Variants in USP34 observed in about 807,000 individuals in gnomAD.
USP34 encodes the protein ubiquitin carboxyl-terminal hydrolase 34.
Under a neutral mutation model 460.3 loss-of-function variants are expected in USP34, and 70 were observed. The ratio of observed to expected loss-of-function variants is 0.15; its 90% CI spans 0.13 to 0.19. The LOEUF (loss-of-function observed/expected upper bound fraction) is 0.19, where lower values mean the gene tolerates loss of function less well. Ranked by LOEUF, USP34 falls within the 10% of genes least tolerant of loss-of-function variation. The pLI is 1.00. For missense variants in USP34, 3,985 were observed against 4,236.2 expected (o/e 0.94, Z 1.65); for synonymous variants, 1,647 against 1,405.3 (o/e 1.17, Z -3.85).
chr2:61,450,025 C>G (rs1472511327), intron 1 of USP34, among the ~76,000 whole-genome samples: 1 of 151,800 alleles, frequency 6.6e-6, no homozygotes, highest in Non-Finnish European at 1.5e-5. Flanking sequence ...AAGTTCATGC[C>G]ACTGCACTCC....
intron 11 of USP34, 79 bp downstream of exon 11, chr2:61,350,489 A>G: frequency 9.0e-6 from 14 of 1,562,196 alleles, no homozygotes; most frequent in South Asian, 1.2e-5. Context: ...CAATAAAATG[A>G]AAGTTAAATT....
At chr2:61,441,118 A>G (rs1410498653) in intron 1 of USP34, among the ~76,000 whole-genome samples, 3 of 148,296 alleles carry the variant, frequency 2.0e-5, no homozygotes, top group Admixed American at 1.4e-4. Flanking sequence ...ACTGAGTGAG[A>G]GCCGCCTCAA....
At chr2:61,449,916 A>G (rs1695221549) in intron 1 of USP34, among the ~76,000 whole-genome samples, 1 of 151,998 alleles carries the variant, frequency 6.6e-6, no homozygotes, top group Admixed American at 6.6e-5. Flanking sequence ...AAATACAAAA[A>G]TAAGCTGGGC....
intron 1 of USP34, among the ~76,000 whole-genome samples, chr2:61,464,842 T>C (rs907580238): frequency 1.3e-5 from 2 of 151,750 alleles, no homozygotes; most frequent in Non-Finnish European, 2.9e-5. Context: ...GCCTAAAGCA[T>C]GTAATTTTAA....
intron 21 of USP34, among the ~76,000 whole-genome samples, chr2:61,320,913 G>A (rs757262444): frequency 1.3e-5 from 2 of 152,250 alleles, no homozygotes; most frequent in South Asian, 2.1e-4. Flanking sequence ...GGGAGGATAA[G>A]GCACGAGAAT....
chr2:61,298,911 T>C (rs918242031), intron 29 of USP34, among the ~76,000 whole-genome samples: 2 of 151,994 alleles, frequency 1.3e-5, no homozygotes, highest in African/African-American at 4.8e-5. Context: ...TTGAGGAAAA[T>C]CTGTAATGCT....
chr2:61,423,933 G>A (rs776517403), intron 1 of USP34, among the ~76,000 whole-genome samples: 4 of 152,138 alleles, frequency 2.6e-5, no homozygotes, highest in Non-Finnish European at 5.9e-5. Flanking sequence ...TCCAGCATGA[G>A]TAACAGGGCA....
At position 61,409,442 on chromosome 2, in the gene USP34, G is replaced by A. The variant is rs577684992; in HGVS notation, c.132-3314C>T. Reference sequence around the variant, plus strand: ...TAAAATAAGTGTTAGGGCCGGACACGGTGGCTCATGTCTGTAACCCCAGCA... The same window carrying A: ...TAAAATAAGTGTTAGGGCCGGACACAGTGGCTCATGTCTGTAACCCCAGCA... On this transcript the variant is annotated intron_variant, in intron 2 of 79. Transcript: ENST00000398571. 3.3e-5 allele frequency among the ~76,000 whole-genome samples: 5 copies of A among 152,182 alleles called. No homozygotes were observed. In the East Asian group the frequency reaches 5.8e-4, roughly 18 times the overall value.
chr2:61,363,892 T>C (rs141980657), intron 10 of USP34, among the ~76,000 whole-genome samples: 229 of 152,346 alleles, frequency 1.5e-3, no homozygotes, highest in Admixed American at 3.5e-3. Flanking sequence ...ATGTTTGCTA[T>C]GACATAGATT....
In USP34 at chr2:61,343,913, T is replaced by C. The variant is rs1177449694; in HGVS notation, c.2402A>G (p.Glu801Gly). The C allele has an allele frequency of 6.2e-7, 1 of 1,614,024 alleles. No individual in the cohort carries two copies. The highest frequency in any genetic ancestry group is 8.5e-7 in the Non-Finnish European group (1 of 1,179,934). The change falls in exon 16 of 80, where the codon GAG becomes GGG. Residue 801 changes from glutamate (E) to glycine (G), a missense_variant. By Grantham distance (98) the Glu-to-Gly change is moderately conservative. This residue lies in a region of USP34 where 716 missense variants were observed against 626.2 expected (regional missense o/e 1.14). Transcript: ENST00000398571. ...DFDGEESGCE[E>G]ELVQINSHAE... ...ATGTGAATTAATCTGAACTAGCTCC[T>C]CTTCACATCCAGATTCTTCACCATC...
chr2:61,380,001 T>C (rs191086356), intron 7 of USP34, among the ~76,000 whole-genome samples, 168 bp downstream of exon 7: 2 of 152,338 alleles, frequency 1.3e-5, no homozygotes, highest in Admixed American at 1.3e-4. Context: ...TTCAGACTTA[T>C]TTAAAATAAG....
chr2:61,446,047 G>C (rs919775006), intron 1 of USP34, among the ~76,000 whole-genome samples: 1 of 142,504 alleles, frequency 7.0e-6, no homozygotes, highest in African/African-American at 2.6e-5. Flanking sequence ...CAGGAAGGCA[G>C]AGATTACAGT....
In USP34 at chr2:61,187,787, G is replaced by A. The variant is rs1686478396; in HGVS notation, c.*315C>T. 7 of 773,346 alleles carry A rather than the reference G, an allele frequency of 9.1e-6. No individual in the cohort carries two copies. Among genetic ancestry groups the A allele is most frequent in the Non-Finnish European group, 1.2e-5 (7 of 596,222 alleles). The allele number at this position is 773,346 out of a possible 1,614,324, so 47.9% of individuals were successfully genotyped here. A position where few individuals can be genotyped will look rare whatever the true frequency, so the allele number is the denominator to read the frequency against. On this transcript the variant is annotated 3_prime_UTR_variant, in exon 80 of 80. Coordinates refer to ENST00000398571, the MANE Select transcript of USP34 (RefSeq NM_014709.4). Reference sequence around the variant, plus strand: ...ATCATACACAGTAAAAATGCTGTAAGTTTAAATTACATTGTACAGGGCTAG... The same window carrying A: ...ATCATACACAGTAAAAATGCTGTAAATTTAAATTACATTGTACAGGGCTAG...
chr2:61,307,816 G>A (rs1004408153), intron 27 of USP34, among the ~76,000 whole-genome samples: 11 of 143,622 alleles, frequency 7.7e-5, no homozygotes, highest in Non-Finnish European at 1.6e-4. Flanking sequence ...GGACGGCCAA[G>A]GGGGGAGGAT....
intron 10 of USP34, among the ~76,000 whole-genome samples, chr2:61,355,195 G>C (rs907187038): frequency 6.6e-6 from 1 of 151,876 alleles, no homozygotes; most frequent in African/African-American, 2.4e-5. Context: ...CTTTGAGTAG[G>C]GTACAAGATG....
At chr2:61,286,663 A>C (rs533738666) in intron 34 of USP34, among the ~76,000 whole-genome samples, 8 of 152,200 alleles carry the variant, frequency 5.3e-5, no homozygotes, top group Admixed American at 1.3e-4. Context: ...TCAAAAAAAA[A>C]CCCCAAACCA....
At position 61,395,117 on chromosome 2, in the gene USP34, A is replaced by G. The variant is rs901760407; in HGVS notation, c.603+66T>C. ...AAAAGACATATATAAATAATAAAAC[A>G]TATGGATGAGGCTTTGTTAAAAAAA... On this transcript the variant is annotated intron_variant, in intron 4 of 79. Transcript: ENST00000398571. The G allele has an allele frequency of 2.1e-6, 3 of 1,440,756 alleles. No individual in the cohort carries two copies. The African/African-American group carries it at 4.4e-5, about 21-fold the overall frequency. The allele number at this position is 1,440,756 out of a possible 1,614,324, so 89.2% of individuals were successfully genotyped here.
At position 61,420,721 on chromosome 2, in the gene USP34, C is replaced by T. The variant is rs745444068; in HGVS notation, c.131+25G>A. On this transcript the variant is annotated intron_variant, in intron 2 of 79. Coordinates refer to ENST00000398571, the MANE Select transcript of USP34 (RefSeq NM_014709.4). ...TATAACACAACTCACAAAAATTAGT[C>T]TTCGAAATACCTAAAGATGCATACC... 2.7e-5 allele frequency: 42 copies of T among 1,539,248 alleles called. 1 individual carries two copies. The highest frequency in any genetic ancestry group is 1.7e-4 in the South Asian group (13 of 78,418).
At chr2:61,365,484 CTTCT>C (rs1558552030) in intron 10 of USP34, among the ~76,000 whole-genome samples, 2 of 152,076 alleles carry the variant, frequency 1.3e-5, no homozygotes, top group Non-Finnish European at 2.9e-5. Flanking sequence ...CACTCAAACT[CTTCT>C]TTAAGAATAA....
Sources: allele counts gnomAD v4.1 joint callset (sites outside exome capture counted in the v4.1 genomes callset), GRCh38; gene constraint gnomAD v4.1.1; regional missense constraint gnomAD v4.1.1; transcripts MANE v1.5; gene names NCBI Gene and HGNC (gene_info 2026-07-23, HGNC 2026-07-21).